The following PREX2 variants were observed in gnomAD, a reference collection of about 807,000 sequenced individuals.
The protein encoded by PREX2 is phosphatidylinositol 3,4,5-trisphosphate-dependent Rac exchanger 2 protein.
PREX2 carries 107 observed loss-of-function variants against 203.2 expected under a neutral mutation model. That is an observed-to-expected ratio of 0.53 (90% CI 0.45 to 0.62). The LOEUF is 0.62. PREX2 is among the 20% of genes least tolerant of loss of function. The pLI, the probability that PREX2 is intolerant of heterozygous loss-of-function variation, is 0.00. For synonymous variants in PREX2, 672 were observed against 663.6 expected (o/e 1.01, Z -0.19); for missense variants, 1,777 against 1,955.9 (o/e 0.91, Z 1.72).
intron 31 of PREX2, among the ~76,000 whole-genome samples, chr8:68,128,715 G>T (rs1810945785): frequency 6.6e-6 from 1 of 152,140 alleles, no homozygotes; most frequent in African/African-American, 2.4e-5. Flanking sequence ...CCTTCTACTG[G>T]CCCCAGCATG....
chr8:68,072,623 T>C, intron 14 of PREX2, 53 bp downstream of exon 14: 1 of 979,730 alleles, frequency 1.0e-6, no homozygotes, highest in Middle Eastern at 2.1e-4. Context: ...CTTTAAACTC[T>C]GAGTGTGTGA....
At chr8:68,014,454 G>C (rs962582159) in intron 1 of PREX2, among the ~76,000 whole-genome samples, 6 of 152,030 alleles carry the variant, frequency 3.9e-5, no homozygotes, top group Admixed American at 2.0e-4. Context: ...GTGCGGGGGG[G>C]GCGGCATATG....
chr8:68,066,003 T>A (rs1809006281), intron 11 of PREX2, among the ~76,000 whole-genome samples: 1 of 152,186 alleles, frequency 6.6e-6, no homozygotes, highest in Non-Finnish European at 1.5e-5. Context: ...CTAATTAGTG[T>A]ATTAATCGCT....
intron 37 of PREX2, among the ~76,000 whole-genome samples, chr8:68,207,578 G>A (rs770512831): frequency 6.6e-6 from 1 of 151,970 alleles, no homozygotes; most frequent in Non-Finnish European, 1.5e-5. Flanking sequence ...TGGTGGTGGT[G>A]GTAATAGTAA....
At chr8:67,983,375 C>T (rs1806326697) in intron 1 of PREX2, among the ~76,000 whole-genome samples, 1 of 127,006 alleles carries the variant, frequency 7.9e-6, no homozygotes, top group Admixed American at 8.2e-5. Context: ...AATATGTAAG[C>T]ACTTTTTCAT....
chr8:68,050,821 A>G (rs1436136659), intron 8 of PREX2, among the ~76,000 whole-genome samples: 1 of 152,078 alleles, frequency 6.6e-6, no homozygotes, highest in Admixed American at 6.6e-5. Context: ...CAGAGAGGAG[A>G]GTGGGGTAGC....
intron 30 of PREX2, among the ~76,000 whole-genome samples, chr8:68,124,070 G>A (rs1489315065): frequency 6.6e-6 from 1 of 152,128 alleles, no homozygotes; most frequent in Non-Finnish European, 1.5e-5. Flanking sequence ...TACCTACCAT[G>A]ATCAAGTAGT....
intron 32 of PREX2, among the ~76,000 whole-genome samples, chr8:68,135,099 T>TGTGTGTGTG (rs58263470): frequency 1.5e-4 from 22 of 148,898 alleles, no homozygotes; most frequent in South Asian, 6.5e-4. Context: ...AAAACAAATT[T>TGTGTGTGTG]TGTGTGTGTG....
intron 37 of PREX2, among the ~76,000 whole-genome samples, chr8:68,201,804 T>C (rs772173461): frequency 2.0e-5 from 3 of 151,920 alleles, no homozygotes; most frequent in African/African-American, 4.8e-5. Context: ...GCCTTTGTGA[T>C]GTTGATCGTA....
intron 17 of PREX2, 77 bp from the exon 18 acceptor site, chr8:68,083,163 A>T: frequency 9.5e-7 from 1 of 1,056,324 alleles, no homozygotes; most frequent in South Asian, 1.7e-5. Flanking sequence ...GAAACTTTTC[A>T]TATTCCAATT....
At chr8:68,174,062 G>A (rs967452131) in intron 35 of PREX2, among the ~76,000 whole-genome samples, 2 of 152,118 alleles carry the variant, frequency 1.3e-5, no homozygotes, top group South Asian at 2.1e-4. Flanking sequence ...TATATTCAAG[G>A]CATCTTAGTC....
chr8:68,072,833 T>C (rs909008295), intron 14 of PREX2, among the ~76,000 whole-genome samples: 4 of 152,198 alleles, frequency 2.6e-5, no homozygotes, highest in African/African-American at 7.2e-5. Context: ...AAACACTAAT[T>C]TGAGAATCTG....
At chr8:68,083,217 A>AT (rs756744136) in intron 17 of PREX2, 23 bp from the exon 18 acceptor site, 2 of 1,537,376 alleles carry the variant, frequency 1.3e-6, no homozygotes, top group Non-Finnish European at 8.8e-7. Flanking sequence ...ACTTTGACTT[A>AT]TTTTTTGTAA....
chr8:68,017,822 A>T (rs757297852), intron 1 of PREX2, 24 bp from the exon 2 acceptor site: 1 of 1,600,594 alleles, frequency 6.2e-7, no homozygotes, highest in South Asian at 1.1e-5. Context: ...TGTTACCTTC[A>T]TAATGTCTTC....
intron 1 of PREX2, among the ~76,000 whole-genome samples, chr8:68,017,170 T>C (rs1283166578): frequency 6.6e-6 from 1 of 152,138 alleles, no homozygotes; most frequent in African/African-American, 2.4e-5. Context: ...GGTCAAAACT[T>C]AATGACCACT....
chr8:68,096,634 C>T lies in PREX2; in HGVS notation c.2369-383C>T, dbSNP rs538224222. On this transcript the variant is annotated intron_variant, in intron 21 of 39. Transcript: ENST00000288368. ...TATGGCCTTCTTTATGGATTTTTTT[C>T]CTGCTTTAAGAAAATATTCATACAA... Among the ~76,000 whole-genome samples the T allele has an allele frequency of 1.2e-4, 19 of 152,098 alleles. No individual in the cohort carries two copies. In the South Asian group the frequency reaches 3.9e-3, roughly 32 times the overall value.
chr8:68,050,513 C>T (rs1360829531), intron 8 of PREX2, among the ~76,000 whole-genome samples: 3 of 152,258 alleles, frequency 2.0e-5, no homozygotes, highest in Non-Finnish European at 2.9e-5. Flanking sequence ...AATTCTTCCC[C>T]GTTATCCAAT....
chr8:68,012,945 A>C (rs537446933), intron 1 of PREX2, among the ~76,000 whole-genome samples: 1 of 152,348 alleles, frequency 6.6e-6, no homozygotes, highest in Non-Finnish European at 1.5e-5. Context: ...TAGAAGAGGA[A>C]AAGAGTATGT....
chr8:68,004,188 C>T (rs1807027692), intron 1 of PREX2, among the ~76,000 whole-genome samples: 1 of 152,132 alleles, frequency 6.6e-6, no homozygotes, highest in Admixed American at 6.5e-5. Flanking sequence ...ACTGTTCCAC[C>T]TTGGAGAAGC....
Sources: gnomAD v4.1 joint callset for allele counts (sites outside exome capture counted in the v4.1 genomes callset) on GRCh38, gnomAD v4.1.1 for gene constraint, MANE v1.5 for transcripts, NCBI Gene and HGNC (gene_info 2026-07-23, HGNC 2026-07-21) for gene names.